Variants in PHIP observed in about 807,000 individuals in gnomAD.
The protein encoded by PHIP is PHIP subunit of CUL4-Ring ligase complex.
In PHIP, 54 loss-of-function variants were observed where a neutral mutation model predicts 236.8. The ratio of observed to expected loss-of-function variants is 0.23; its 90% CI spans 0.18 to 0.29. The LOEUF (loss-of-function observed/expected upper bound fraction) is 0.29, where lower values mean the gene tolerates loss of function less well. PHIP is among the 10% of genes least tolerant of loss of function. PHIP has a pLI of 1.00. For synonymous variants in PHIP, 756 were observed against 718.9 expected (o/e 1.05, Z -0.83); for missense variants, 1,370 against 2,190.8 (o/e 0.63, Z 7.48).
intron 15 of PHIP, among the ~76,000 whole-genome samples, chr6:79,006,757 C>G (rs1360509005): frequency 1.3e-5 from 2 of 151,812 alleles, no homozygotes; most frequent in Non-Finnish European, 2.9e-5. Flanking sequence ...AAAATAAGTG[C>G]ATTTTAGATG....
intron 7 of PHIP, among the ~76,000 whole-genome samples, chr6:79,041,939 A>G (rs1201761270): frequency 6.6e-6 from 1 of 152,044 alleles, no homozygotes. Context: ...TCAGTTTACA[A>G]GCAAATTTAC....
At chr6:79,031,235 C>T (rs1771659440) in intron 7 of PHIP, among the ~76,000 whole-genome samples, 1 of 152,082 alleles carries the variant, frequency 6.6e-6, no homozygotes, top group Admixed American at 6.5e-5. Context: ...TGAGCCATCA[C>T]ACCAAGCCTC....
chr6:78,982,695 G>A (rs972387361), intron 23 of PHIP, among the ~76,000 whole-genome samples, 191 bp downstream of exon 23: 4 of 152,004 alleles, frequency 2.6e-5, no homozygotes, highest in Admixed American at 2.6e-4. Flanking sequence ...ACTTTTACAT[G>A]TTAAATATCT....
chr6:78,955,236 C>T lies in PHIP; in HGVS notation c.3899G>A (p.Arg1300Lys), dbSNP rs1310126174. The T allele has an allele frequency of 6.2e-7, 1 of 1,604,194 alleles. No individual in the cohort carries two copies. The highest frequency in any genetic ancestry group is 1.7e-5 in the Admixed American group (1 of 59,386). The change falls in exon 34 of 40, where the codon AGG becomes AAG. Residue 1300 changes from arginine to lysine, a missense_variant. Arg to Lys is a conservative substitution (Grantham distance 26). Coordinates refer to ENST00000275034, the MANE Select transcript of PHIP (RefSeq NM_017934.7). ...CTAAAACTAAAACTATATTACCTTC[C>T]TTTTTCGAGTAGAAGTTCCTGGCAC... The part of the protein sequence containing the change: ...ADVPGTSTRK[R>K]KDHQPRRRLR...
chr6:78,946,679 T>A (rs1168605620), intron 37 of PHIP, 32 bp downstream of exon 37: 1 of 1,508,342 alleles, frequency 6.6e-7, no homozygotes, highest in East Asian at 2.5e-5. Flanking sequence ...AAGTTATAGA[T>A]CAGCTAGTGG....
intron 20 of PHIP, among the ~76,000 whole-genome samples, chr6:78,990,419 G>C (rs1769156007): frequency 6.6e-6 from 1 of 152,088 alleles, no homozygotes; most frequent in Non-Finnish European, 1.5e-5. Flanking sequence ...AAAACTATTA[G>C]GGACAATCTA....
rs1768285626 is a variant in PHIP at position 78,978,663 on chromosome 6, A to G, written c.2818T>C (p.Trp940Arg). 6.3e-7 allele frequency: 1 copy of G among 1,596,536 alleles called. No individual in the cohort carries two copies. Reference protein sequence around the residue: ...LTENGLTLEEWLPSTWITDTI... With the variant: ...LTENGLTLEERLPSTWITDTI... ...TCTGTAATCCATGTTGATGGCAACC[A>G]TTCTTCTAATGTCAAACCATTTTCA... The change falls in exon 24 of 40, where the codon TGG (tryptophan) becomes CGG (arginine). Residue 940 changes from tryptophan to arginine, a missense_variant. Trp to Arg is a moderately radical substitution (Grantham distance 101). Coordinates refer to ENST00000275034, the MANE Select transcript of PHIP (RefSeq NM_017934.7).
intron 32 of PHIP, chr6:78,957,503 C>A (rs1299018397): frequency 6.6e-6 from 1 of 151,208 alleles, no homozygotes. Context: ...GACCTGCATT[C>A]CTCAGTTAAA....
chr6:79,074,360 C>T (rs1276155630), intron 4 of PHIP, among the ~76,000 whole-genome samples: 1 of 151,832 alleles, frequency 6.6e-6, no homozygotes, highest in Non-Finnish European at 1.5e-5. Flanking sequence ...CGTAAATATG[C>T]AATCATCATT....
At chr6:79,037,611 G>T (rs1396068026) in intron 7 of PHIP, among the ~76,000 whole-genome samples, 1 of 152,108 alleles carries the variant, frequency 6.6e-6, no homozygotes, top group East Asian at 1.9e-4. Context: ...TGGAGAAGGG[G>T]ATCCCAGGCA....
At chr6:79,002,872 T>G (rs1257934196) in intron 16 of PHIP, among the ~76,000 whole-genome samples, 1 of 152,068 alleles carries the variant, frequency 6.6e-6, no homozygotes, top group Non-Finnish European at 1.5e-5. Context: ...AAAAATCACA[T>G]AAGATTTTCT....
intron 19 of PHIP, among the ~76,000 whole-genome samples, chr6:78,995,186 T>C (rs993781688): frequency 2.0e-5 from 3 of 152,230 alleles, no homozygotes; most frequent in East Asian, 3.8e-4. Context: ...TTCATACCCA[T>C]TGTATCAATA....
intron 24 of PHIP, among the ~76,000 whole-genome samples, chr6:78,971,856 C>T (rs976947430): frequency 2.0e-5 from 3 of 152,208 alleles, no homozygotes; most frequent in East Asian, 1.9e-4. Flanking sequence ...AATTATATCC[C>T]GCACCTGGCT....
At position 79,061,136 on chromosome 6, in the gene PHIP, G is replaced by A. The variant is rs183876599; in HGVS notation, c.190-318C>T. ...ACTATAAAAAGTTTGAGCACTTTTGGAACAACTTCAAAATACTGCTTAATT... is the reference window on the plus strand; with the variant it reads ...ACTATAAAAAGTTTGAGCACTTTTGAAACAACTTCAAAATACTGCTTAATT... On this transcript the variant is annotated intron_variant, in intron 4 of 39. Transcript: ENST00000275034. Among the ~76,000 whole-genome samples, 96 of 152,088 alleles carry A rather than the reference G, an allele frequency of 6.3e-4. 1 individual carries two copies. The South Asian group carries it at 8.1e-3, about 13-fold the overall frequency.
At chr6:78,978,523 T>C in intron 24 of PHIP, 69 bp downstream of exon 24, 1 of 1,300,974 alleles carries the variant, frequency 7.7e-7, no homozygotes, top group Non-Finnish European at 1.1e-6. Context: ...AGAAGTCTAT[T>C]TCAAGAGCTG....
intron 16 of PHIP, 135 bp downstream of exon 16, chr6:79,003,595 G>C (rs770287317): frequency 7.7e-6 from 4 of 520,536 alleles, no homozygotes; most frequent in Non-Finnish European, 1.3e-5. Context: ...TAAGTCTCCA[G>C]ACTACTTAAC....
At position 79,063,191 on chromosome 6, in the gene PHIP, T is replaced by C. The variant is rs562830312; in HGVS notation, c.190-2373A>G. Reference sequence around the variant, plus strand: ...TGTCTGTGTCCTGCATAAGGAGAGATTGGGCCATGTTTACCTCTGTCTACC... The same window carrying C: ...TGTCTGTGTCCTGCATAAGGAGAGACTGGGCCATGTTTACCTCTGTCTACC... On this transcript the variant is annotated intron_variant, in intron 4 of 39. Transcript: ENST00000275034. Among the ~76,000 whole-genome samples, 8 of 152,234 alleles carry C rather than the reference T, an allele frequency of 5.3e-5. No homozygotes were observed. The South Asian group carries it at 1.0e-3, about 20-fold the overall frequency.
chr6:78,988,481 G>A, intron 20 of PHIP, 132 bp from the exon 21 acceptor site: 2 of 573,140 alleles, frequency 3.5e-6, no homozygotes, highest in Middle Eastern at 9.6e-4. Context: ...CCAGCTACTT[G>A]GGAAGATTGC....
intron 24 of PHIP, among the ~76,000 whole-genome samples, chr6:78,975,611 G>A (rs1285181556): frequency 3.3e-5 from 5 of 152,074 alleles, no homozygotes; most frequent in South Asian, 2.1e-4. Flanking sequence ...ACATGATTGT[G>A]TATCTAGAAA....
Sources: allele counts gnomAD v4.1 joint callset (sites outside exome capture counted in the v4.1 genomes callset), GRCh38; gene constraint gnomAD v4.1.1; transcripts MANE v1.5; gene names NCBI Gene and HGNC (gene_info 2026-07-23, HGNC 2026-07-21).